Variants in ANKRD31 observed in about 807,000 individuals in gnomAD.
ANKRD31 encodes ankyrin repeat domain 31, also known as ankyrin repeat domain-containing protein 31.
ANKRD31 carries 147 observed loss-of-function variants against 186.0 expected under a neutral mutation model. The observed-to-expected ratio is 0.79, with a 90% CI of 0.69 to 0.91. The LOEUF is 0.91. ANKRD31 is among the 40% of genes least tolerant of loss of function. The pLI, the probability that ANKRD31 is intolerant of heterozygous loss-of-function variation, is 0.00. For synonymous variants in ANKRD31, 673 were observed against 736.4 expected, an observed-to-expected ratio of 0.91 and a Z score of 1.39; for missense variants, 1,986 against 2,148.8, an observed-to-expected ratio of 0.92 and a Z score of 1.50.
chr5:75,159,705 A>G (rs1752445099), intron 11 of ANKRD31, among the ~76,000 whole-genome samples: 1 of 151,552 alleles, frequency 6.6e-6, no homozygotes, highest in African/African-American at 2.4e-5. Context: ...TTGGTAGAAG[A>G]CCTGCTTTAA....
intron 25 of ANKRD31, among the ~76,000 whole-genome samples, chr5:75,076,057 A>G (rs1412270395): frequency 1.3e-5 from 2 of 152,246 alleles, no homozygotes; most frequent in African/African-American, 4.8e-5. Flanking sequence ...CTGAATATAT[A>G]TATATATTTA....
chr5:75,146,363 A>C lies in ANKRD31; in HGVS notation c.3048T>G (p.Leu1016=). Residue 1016 remains leucine, a synonymous_variant, in exon 14 of 26, where the codon CTT becomes CTG. Coordinates refer to ENST00000506364, the MANE Select transcript of ANKRD31 (RefSeq NM_001372053.1). ...TCAACTTTGAAGCCTCATGTGTCAA[A>C]AGTGTTCTCATACAAGCCAGGGAAT... The part of the protein sequence containing the change: ...EQNSLACMRT[L]LTHEASKLTN... 3 of 1,536,544 alleles carry C rather than the reference A, an allele frequency of 2.0e-6. No individual in the cohort carries two copies. Among genetic ancestry groups the C allele is most frequent in the Non-Finnish European group, 8.7e-7 (1 of 1,146,478 alleles).
At position 75,229,878 on chromosome 5, in the gene ANKRD31, AAAAAAAAAAC is replaced by A. The variant is rs1457089107; in HGVS notation, c.178+674_178+683del. Among the ~76,000 whole-genome samples the A allele has an allele frequency of 1.3e-3, 124 of 92,098 alleles. 8 individuals are homozygous for A. The highest frequency in any genetic ancestry group is 1.0e-2 in the African/African-American group (112 of 11,232). The allele number at this position is 92,098 out of a possible 152,430, so 60.4% of individuals were successfully genotyped here. A position where few individuals can be genotyped will look rare whatever the true frequency, so the allele number is the denominator to read the frequency against. On this transcript the variant is annotated intron_variant, in intron 2 of 25. Coordinates refer to ENST00000506364, the MANE Select transcript of ANKRD31 (RefSeq NM_001372053.1). Reference sequence around the variant, plus strand: ...AGACTCTGTCTCAAAAAAAAAAAAAAAAAAAAAAACAAAAAAAACATCAATTCCCAGCAAG... The same window carrying A: ...AGACTCTGTCTCAAAAAAAAAAAAAAAAAAAAAACATCAATTCCCAGCAAG...
intron 4 of ANKRD31, among the ~76,000 whole-genome samples, chr5:75,210,332 C>A (rs1320856536): frequency 6.6e-6 from 1 of 152,148 alleles, no homozygotes; most frequent in African/African-American, 2.4e-5. Flanking sequence ...CACCAACACG[C>A]CCGGCTAATT....
At position 75,147,217 on chromosome 5, in the gene ANKRD31, T is replaced by C; in HGVS notation, c.2194A>G (p.Lys732Glu). 1 of 1,536,338 alleles carries C rather than the reference T, an allele frequency of 6.5e-7. No individual in the cohort carries two copies. Among genetic ancestry groups the C allele is most frequent in the East Asian group, 2.4e-5 (1 of 40,882 alleles). The stretch of plus-strand genomic sequence containing the variant: ...ACTTGGGTCCTTTTATGTTGTGTTT[T>C]TCTTCTTCCTATACCTTTTGGTACG... ...TNVPKGIGRR[K>E]TQHKRTQVDD... The change falls in exon 14 of 26, where the codon AAA becomes GAA. Residue 732 changes from lysine to glutamate, a missense_variant. By Grantham distance (56) the Lys-to-Glu change is moderately conservative. Coordinates refer to ENST00000506364, the MANE Select transcript of ANKRD31 (RefSeq NM_001372053.1).
At chr5:75,227,715 T>C (rs1757713887) in intron 2 of ANKRD31, among the ~76,000 whole-genome samples, 1 of 152,172 alleles carries the variant, frequency 6.6e-6, no homozygotes, top group African/African-American at 2.4e-5. Flanking sequence ...TCTCTATTCC[T>C]TTACTGCAGA....
chr5:75,145,932 T>C, intron 14 of ANKRD31, 55 bp downstream of exon 14: 5 of 1,326,280 alleles, frequency 3.8e-6, no homozygotes, highest in East Asian at 2.6e-5. Context: ...GAAATTTCTA[T>C]AAAAATAAGT....
At chr5:75,110,952 C>G (rs78345579) in intron 20 of ANKRD31, among the ~76,000 whole-genome samples, 2 of 150,026 alleles carry the variant, frequency 1.3e-5, no homozygotes, top group African/African-American at 4.9e-5. Flanking sequence ...ATAATTTGAC[C>G]AATAGTTACA....
intron 10 of ANKRD31, among the ~76,000 whole-genome samples, chr5:75,172,070 T>TC (rs918757494): frequency 1.3e-5 from 2 of 151,516 alleles, no homozygotes; most frequent in African/African-American, 2.4e-5. Flanking sequence ...AAAAGCATTA[T>TC]CCCCCTCAAA....
At chr5:75,124,438 C>A (rs537624756) in intron 17 of ANKRD31, among the ~76,000 whole-genome samples, 1 of 152,104 alleles carries the variant, frequency 6.6e-6, no homozygotes, top group African/African-American at 2.4e-5. Context: ...TGGGTATATA[C>A]CCACAGGAAA....
intron 11 of ANKRD31, among the ~76,000 whole-genome samples, chr5:75,162,351 C>T (rs1752624750): frequency 1.3e-5 from 2 of 152,196 alleles, no homozygotes; most frequent in Non-Finnish European, 2.9e-5. Flanking sequence ...TTGCATAGGG[C>T]CTGTAGCCCC....
At position 75,222,503 on chromosome 5, in the gene ANKRD31, G is replaced by A. The variant is rs904200325; in HGVS notation, c.179-145C>T. On this transcript the variant is annotated intron_variant, in intron 2 of 25. Coordinates refer to ENST00000506364, the MANE Select transcript of ANKRD31 (RefSeq NM_001372053.1). The stretch of plus-strand genomic sequence containing the variant: ...TTTTTCATTTCTTCTAAAAAAAAAC[G>A]AGATATATGTGCAGAACGTGCAGGT... The A allele has an allele frequency of 2.4e-5, 15 of 629,274 alleles. No homozygotes were observed. In the South Asian group the frequency reaches 2.5e-4, roughly 10 times the overall value. The allele number at this position is 629,274 out of a possible 1,614,324, so 39.0% of individuals were successfully genotyped here.
intron 10 of ANKRD31, among the ~76,000 whole-genome samples, chr5:75,170,645 A>G (rs1246205831): frequency 6.6e-6 from 1 of 152,048 alleles, no homozygotes; most frequent in African/African-American, 2.4e-5. Context: ...TAGTTTTTCA[A>G]CCCATGCCCC....
At chr5:75,087,843 A>G (rs1334650345) in intron 23 of ANKRD31, among the ~76,000 whole-genome samples, 2 of 152,226 alleles carry the variant, frequency 1.3e-5, no homozygotes, top group African/African-American at 4.8e-5. Flanking sequence ...AGCTGTTTCT[A>G]TGGAAATGAT....
chr5:75,163,662 T>C (rs1752724581), intron 11 of ANKRD31, among the ~76,000 whole-genome samples: 1 of 152,176 alleles, frequency 6.6e-6, no homozygotes, highest in African/African-American at 2.4e-5. Flanking sequence ...CAACCTGGAC[T>C]TGAAAGAATT....
intron 5 of ANKRD31, among the ~76,000 whole-genome samples, chr5:75,204,354 C>G (rs1008690873): frequency 3.3e-5 from 5 of 152,276 alleles, no homozygotes; most frequent in African/African-American, 1.2e-4. Flanking sequence ...TTATTTCTCT[C>G]AAGATTATTC....
intron 10 of ANKRD31, among the ~76,000 whole-genome samples, chr5:75,177,830 G>A (rs1013034493): frequency 3.3e-5 from 5 of 152,078 alleles, no homozygotes; most frequent in Admixed American, 6.6e-5. Flanking sequence ...ATCAACTAAC[G>A]AGCAAAATAA....
intron 2 of ANKRD31, among the ~76,000 whole-genome samples, chr5:75,227,043 C>T (rs1379159908): frequency 6.6e-6 from 1 of 151,950 alleles, no homozygotes. Context: ...AAGTGTCCAT[C>T]AACAGATGAA....
chr5:75,151,520 G>A (rs1197437896), intron 12 of ANKRD31, among the ~76,000 whole-genome samples: 1 of 151,986 alleles, frequency 6.6e-6, no homozygotes, highest in Admixed American at 6.6e-5. Flanking sequence ...GCTGCCATGT[G>A]AAGAAGGACG....
Sources: allele counts gnomAD v4.1 joint callset (sites outside exome capture counted in the v4.1 genomes callset), GRCh38; gene constraint gnomAD v4.1.1; transcripts MANE v1.5; gene names NCBI Gene and HGNC (gene_info 2026-07-23, HGNC 2026-07-21).